UNC13C: variants seen among roughly 807,000 people sequenced by gnomAD.
The protein encoded by UNC13C is unc-13 homolog C.
UNC13C carries 174 observed loss-of-function variants against 245.4 expected under a neutral mutation model. The observed-to-expected ratio is 0.71, with a 90% CI of 0.63 to 0.80. UNC13C has a LOEUF of 0.80. UNC13C is among the 30% of genes least tolerant of loss of function. The probability of loss-of-function intolerance (pLI) is 0.00; values close to 1 mark genes in which losing one functional copy is unlikely to be tolerated. For synonymous variants in UNC13C, 992 were observed against 895.1 expected, an observed-to-expected ratio of 1.11 and a Z score of -1.93; for missense variants, 2,829 against 2,602.9, an observed-to-expected ratio of 1.09 and a Z score of -1.89.
At chr15:53,885,912 A>G in the UNC13C span, among the ~76,000 whole-genome samples, 1 of 152,282 alleles carries the variant, frequency 6.6e-6, no homozygotes, top group East Asian at 1.9e-4. Context: ...CTCGTTGGGT[A>G]TGGTTAACAA....
intron 17 of UNC13C, among the ~76,000 whole-genome samples, chr15:54,389,422 G>C (rs522021): frequency 0.24 from 36,558 of 152,146 alleles, 4,703 homozygotes; most frequent in Non-Finnish European, 0.28. Flanking sequence ...CTGTGTTTGT[G>C]AGCTTTCCCA....
chr15:53,902,626 C>G, the UNC13C span, among the ~76,000 whole-genome samples: 1 of 152,110 alleles, frequency 6.6e-6, no homozygotes, highest in East Asian at 1.9e-4. Flanking sequence ...TCATATTAAA[C>G]ACTTTCTACA....
At chr15:54,214,165 C>A (rs1300882342) in intron 4 of UNC13C, among the ~76,000 whole-genome samples, 1 of 151,748 alleles carries the variant, frequency 6.6e-6, no homozygotes, top group Non-Finnish European at 1.5e-5. Context: ...CTAAAAATTC[C>A]ATAATTTCTT....
chr15:54,257,086 A>C (rs2036299282), intron 8 of UNC13C, among the ~76,000 whole-genome samples: 1 of 152,228 alleles, frequency 6.6e-6, no homozygotes, highest in Admixed American at 6.5e-5. Context: ...GTTATGAAAA[A>C]ATAGAAATAA....
intron 23 of UNC13C, among the ~76,000 whole-genome samples, chr15:54,508,276 G>A (rs1359076615): frequency 4.6e-5 from 7 of 151,970 alleles, no homozygotes; most frequent in African/African-American, 1.7e-4. Context: ...AAAGGATCCT[G>A]TTTATACTAG....
intron 17 of UNC13C, among the ~76,000 whole-genome samples, chr15:54,391,864 A>T (rs1194372687): frequency 6.6e-6 from 1 of 152,106 alleles, no homozygotes; most frequent in Admixed American, 6.6e-5. Flanking sequence ...TTAAATGACA[A>T]CTCAACAAAA....
At chr15:54,623,774 G>C in intron 31 of UNC13C, 21 bp from the exon 32 acceptor site, 1 of 1,600,638 alleles carries the variant, frequency 6.2e-7, no homozygotes, top group Non-Finnish European at 8.5e-7. Context: ...TTGCTAAAAT[G>C]TGATATTTCC....
chr15:54,199,768 A>G (rs1214607047), intron 4 of UNC13C, among the ~76,000 whole-genome samples: 1 of 152,102 alleles, frequency 6.6e-6, no homozygotes, highest in Non-Finnish European at 1.5e-5. Context: ...GGACCTATAT[A>G]ACAACACAAT....
At chr15:54,265,237 C>T (rs1305497667) in intron 9 of UNC13C, 118 bp from the exon 10 acceptor site, 3 of 675,702 alleles carry the variant, frequency 4.4e-6, no homozygotes, top group Non-Finnish European at 6.7e-6. Flanking sequence ...AGAATGAAAG[C>T]AATGGGGATG....
chr15:54,344,919 C>T (rs932950932), intron 17 of UNC13C, among the ~76,000 whole-genome samples: 2 of 148,932 alleles, frequency 1.3e-5, no homozygotes, highest in African/African-American at 5.0e-5. Context: ...TCTACCCCAT[C>T]ATCTTATGTC....
At chr15:54,171,801 T>G (rs1002064800) in intron 4 of UNC13C, among the ~76,000 whole-genome samples, 3 of 152,072 alleles carry the variant, frequency 2.0e-5, no homozygotes, top group Admixed American at 1.3e-4. Context: ...GATATCTGTA[T>G]TCCCATGTTT....
At position 54,078,524 on chromosome 15, in the gene UNC13C, C is replaced by G. The variant is rs138638131; in HGVS notation, c.2983+62638C>G. Among the ~76,000 whole-genome samples, 18 of 152,120 alleles carry G rather than the reference C, an allele frequency of 1.2e-4. No homozygotes were observed. The East Asian group carries it at 3.5e-3, about 29-fold the overall frequency. ...TTTTTTTAAATAACAGCCATTATGA[C>G]TGGTGTGAGATGGGTTTTCATTGTA... is the stretch of plus-strand genomic sequence containing the variant. On this transcript the variant is annotated intron_variant, in intron 2 of 32. Transcript: ENST00000260323.
chr15:54,190,977 A>G (rs1451727024), intron 4 of UNC13C, among the ~76,000 whole-genome samples: 1 of 152,084 alleles, frequency 6.6e-6, no homozygotes, highest in African/African-American at 2.4e-5. Context: ...ACTTTCCGTA[A>G]TAAGCAATGA....
intron 30 of UNC13C, among the ~76,000 whole-genome samples, chr15:54,604,710 C>T (rs1358324660): frequency 6.6e-6 from 1 of 152,164 alleles, no homozygotes; most frequent in African/African-American, 2.4e-5. Context: ...CACCTCTTTC[C>T]AGTGCCAGCA....
chr15:54,293,439 A>T (rs2037352956), intron 10 of UNC13C, among the ~76,000 whole-genome samples: 1 of 152,020 alleles, frequency 6.6e-6, no homozygotes, highest in Middle Eastern at 3.2e-3. Flanking sequence ...TGGGATTTTT[A>T]GTTTTTCAAG....
chr15:54,260,730 TTATA>T (rs1407558315), intron 8 of UNC13C, among the ~76,000 whole-genome samples: 3 of 148,718 alleles, frequency 2.0e-5, no homozygotes, highest in South Asian at 2.1e-4. Context: ...ATATATAACT[TTATA>T]TATGTTTTAT....
At chr15:54,339,379 A>G (rs11634721) in intron 17 of UNC13C, among the ~76,000 whole-genome samples, 40,865 of 151,872 alleles carry the variant, frequency 0.27, 5,969 homozygotes, top group Admixed American at 0.36. Flanking sequence ...CAAGCAGTGT[A>G]CACTGAACCC....
chr15:54,288,175 G>T (rs1403983853), intron 10 of UNC13C, among the ~76,000 whole-genome samples: 1 of 152,142 alleles, frequency 6.6e-6, no homozygotes, highest in African/African-American at 2.4e-5. Flanking sequence ...CTGCTGGACA[G>T]GTATATTCAG....
At chr15:54,370,956 G>A (rs1016178680) in intron 17 of UNC13C, among the ~76,000 whole-genome samples, 1 of 151,150 alleles carries the variant, frequency 6.6e-6, no homozygotes, top group Non-Finnish European at 1.5e-5. Context: ...GTACATTGTG[G>A]AATGACAAAA....
Sources: gnomAD v4.1 joint callset for allele counts (sites outside exome capture counted in the v4.1 genomes callset) on GRCh38, gnomAD v4.1.1 for gene constraint, MANE v1.5 for transcripts, NCBI Gene and HGNC (gene_info 2026-07-23, HGNC 2026-07-21) for gene names.